Variants in PPRC1 observed in about 807,000 individuals in gnomAD.
The protein encoded by PPRC1 is peroxisome proliferator-activated receptor gamma coactivator-related protein 1.
PPRC1 carries 23 observed loss-of-function variants against 132.5 expected under a neutral mutation model. The observed-to-expected ratio is 0.17, with a 90% CI of 0.12 to 0.25. The LOEUF (loss-of-function observed/expected upper bound fraction) is 0.25. Ranked by LOEUF, PPRC1 falls within the 10% of genes least tolerant of loss-of-function variation. PPRC1 has a pLI of 1.00. For missense variants in PPRC1, 2,006 were observed against 2,089.1 expected (o/e 0.96, Z 0.78); for synonymous variants, 872 against 833.5 (o/e 1.05, Z -0.80).
Position 102,149,948 on chromosome 10 carries a change from C to T in PPRC1, c.4914C>T (p.Asp1638=). The T allele has an allele frequency of 6.2e-7, 1 of 1,613,186 alleles. No homozygotes were observed. The highest frequency in any genetic ancestry group is 2.2e-5 in the East Asian group (1 of 44,868). Residue 1638 remains aspartate (D), a synonymous_variant, in exon 14 of 14, where the codon GAC becomes GAT. Transcript: ENST00000278070. ...SDLDSNREDF[D]PAPVKSKFDS... ...TAGACTCCAACCGGGAAGACTTTGA[C>T]CCAGCACCTGTAAAGAGCAAATTTG...
At chr10:102,127,074 A>T in the PPRC1 span, among the ~76,000 whole-genome samples, 5,559 of 117,666 alleles carry the variant, frequency 0.047, 280 homozygotes, top group Non-Finnish European at 0.068. Context: ...TATATAAATT[A>T]AAAAAAAATT....
Position 102,141,558 on chromosome 10 carries a change from A to C in PPRC1, c.3050A>C (p.Glu1017Ala). The change falls in exon 5 of 14, where the codon GAG becomes GCG. Residue 1017 changes from glutamate (E) to alanine (A), a missense_variant. By Grantham distance (107) the Glu-to-Ala change is moderately radical. Coordinates refer to ENST00000278070, the MANE Select transcript of PPRC1 (RefSeq NM_015062.5). The part of the protein sequence containing the change: ...IGRAVPQPKM[E>A]SRGTPAGPPE... ...AGAGCTGTTCCCCAACCTAAAATGG[A>C]GTCTAGGGGCACTCCAGCTGGCCCT... The C allele has an allele frequency of 6.2e-7, 1 of 1,613,882 alleles. No individual in the cohort carries two copies. The highest frequency in any genetic ancestry group is 8.5e-7 in the Non-Finnish European group (1 of 1,179,968).
At chr10:102,145,541 A>G (rs2069186861) in intron 8 of PPRC1, among the ~76,000 whole-genome samples, 1 of 149,832 alleles carries the variant, frequency 6.7e-6, no homozygotes, top group Non-Finnish European at 1.5e-5. Context: ...ACTGCACTCC[A>G]GCCTGGGGGA....
At chr10:102,133,388 G>A (rs927767588) in intron 1 of PPRC1, among the ~76,000 whole-genome samples, 167 bp downstream of exon 1, 1 of 152,190 alleles carries the variant, frequency 6.6e-6, no homozygotes, top group African/African-American at 2.4e-5. Flanking sequence ...GGGGTAGGCG[G>A]GCAGAGGCAG....
chr10:102,123,796 A>AAT, the PPRC1 span, among the ~76,000 whole-genome samples: 2 of 149,754 alleles, frequency 1.3e-5, no homozygotes, highest in Non-Finnish European at 2.9e-5. Flanking sequence ...GGCCTCCCAA[A>AAT]ATGCTGGGAT....
In PPRC1 at chr10:102,147,339, C is replaced by T; in HGVS notation, c.4347C>T (p.Ser1449=). The part of the protein sequence containing the change: ...EASSSSSSSS[S]SSRSRSRSLS... The stretch of plus-strand genomic sequence containing the variant: ...CTTCCTCATCCTCATCATCGTCTTC[C>T]TCATCCCGATCTCGGTCCAGGTCCC... Residue 1449 remains serine (S), a synonymous_variant, in exon 9 of 14, where the codon TCC becomes TCT. Coordinates refer to ENST00000278070, the MANE Select transcript of PPRC1 (RefSeq NM_015062.5). 1 of 1,611,410 alleles carries T rather than the reference C, an allele frequency of 6.2e-7. No homozygotes were observed.
chr10:102,136,823 G>A (rs988580071), intron 1 of PPRC1, among the ~76,000 whole-genome samples: 9 of 152,108 alleles, frequency 5.9e-5, no homozygotes, highest in African/African-American at 2.2e-4. Context: ...GGTCCCTTCC[G>A]GCCCTGCCCA....
chr10:102,134,216 CTT>C lies in PPRC1; in HGVS notation c.153+998_153+999del, dbSNP rs922913501. Among the ~76,000 whole-genome samples the C allele has an allele frequency of 1.4e-4, 22 of 152,248 alleles. No individual in the cohort carries two copies. In the East Asian group the frequency reaches 4.3e-3, roughly 29 times the overall value. ...CTCCTCACTTTTTCCTCCAGCATCT[CTT>C]TTGGGAAGGCATGCTCCTGTAATCT... On this transcript the variant is annotated intron_variant, in intron 1 of 13. Coordinates refer to ENST00000278070, the MANE Select transcript of PPRC1 (RefSeq NM_015062.5).
chr10:102,133,537 C>T (rs1044956564), intron 1 of PPRC1, among the ~76,000 whole-genome samples: 2 of 152,122 alleles, frequency 1.3e-5, no homozygotes, highest in South Asian at 2.1e-4. Context: ...TGAGGCTCCC[C>T]GAGCCCGGCG....
intron 5 of PPRC1, 130 bp downstream of exon 5, chr10:102,142,134 AT>A: frequency 8.9e-7 from 1 of 1,128,148 alleles, no homozygotes; most frequent in Non-Finnish European, 1.2e-6. Flanking sequence ...TTATTTTGAG[AT>A]GGAGTCTTGC....
the PPRC1 span, among the ~76,000 whole-genome samples, chr10:102,124,526 G>T: frequency 6.6e-6 from 1 of 151,064 alleles, no homozygotes; most frequent in Non-Finnish European, 1.5e-5. Context: ...ACCACACTTG[G>T]CTAATTTTGT....
At chr10:102,131,640 G>T (rs2068544897), upstream of PPRC1, among the ~76,000 whole-genome samples, 1 of 152,174 alleles carries the variant, frequency 6.6e-6, no homozygotes, top group Non-Finnish European at 1.5e-5. Context: ...ATGTAATAGT[G>T]AGAAACTGTA....
At chr10:102,133,553 G>T (rs1213122781) in intron 1 of PPRC1, among the ~76,000 whole-genome samples, 2 of 152,180 alleles carry the variant, frequency 1.3e-5, no homozygotes, top group Non-Finnish European at 2.9e-5. Context: ...CGGCGCCGCA[G>T]TTCCCTTTTC....
In PPRC1 at chr10:102,140,241, A is replaced by G. The variant is rs915065031; in HGVS notation, c.1733A>G (p.Asp578Gly). 31 of 1,614,090 alleles carry G rather than the reference A, an allele frequency of 1.9e-5. No homozygotes were observed. Among genetic ancestry groups the G allele is most frequent in the Non-Finnish European group, 2.5e-5 (30 of 1,179,998 alleles). The part of the protein sequence containing the change: ...NPIPTHLSLV[D>G]SAQASPMPVD... ...ATACCAACCCATCTCTCATTGGTCG[A>G]CTCTGCCCAAGCCAGCCCCATGCCA... is the stretch of plus-strand genomic sequence containing the variant. Residue 578 changes from aspartate (D) to glycine (G), a missense_variant, in exon 5 of 14, where the codon GAC becomes GGC. This residue lies in a region of PPRC1 where 1,914 missense variants were observed against 1,917.2 expected (regional missense o/e 1.00). Coordinates refer to ENST00000278070, the MANE Select transcript of PPRC1 (RefSeq NM_015062.5).
At chr10:102,121,028 A>G in the PPRC1 span, among the ~76,000 whole-genome samples, 1 of 152,108 alleles carries the variant, frequency 6.6e-6, no homozygotes, top group Non-Finnish European at 1.5e-5. Context: ...CCCCTTCCCT[A>G]AATTAACCAC....
In PPRC1 at chr10:102,147,081, A is replaced by G. The variant is rs1225944262; in HGVS notation, c.4089A>G (p.Ala1363=). The change falls in exon 9 of 14, where the codon GCA becomes GCG. Residue 1363 remains alanine (A), a synonymous_variant. Transcript: ENST00000278070. ...ATCACAGGACTAGCAGTGAGCAGGC[A>G]GATCCCTCAGCACCCTGCCTTGCCC... ...PLDHRTSSEQ[A]DPSAPCLAPS... 1.9e-6 allele frequency: 3 copies of G among 1,614,188 alleles called. No individual in the cohort carries two copies. The highest frequency in any genetic ancestry group is 2.5e-6 in the Non-Finnish European group (3 of 1,180,018).
Position 102,145,060 on chromosome 10 carries a change from T to C in PPRC1, c.3649T>C (p.Leu1217=), listed in dbSNP as rs772637649. The C allele has an allele frequency of 1.2e-6, 2 of 1,613,394 alleles. No individual in the cohort carries two copies. Among genetic ancestry groups the C allele is most frequent in the Non-Finnish European group, 1.7e-6 (2 of 1,179,744 alleles). ...CCAGGAGAAGAGGCCCCTAGACCGG[T>C]TACAAGCCCCAGAACTGGCCAACGT... The part of the protein sequence containing the change: ...IPQEKRPLDR[L]QAPELANVAG... Residue 1217 remains leucine (L), a synonymous_variant, in exon 8 of 14, where the codon TTA becomes CTA. Coordinates refer to ENST00000278070, the MANE Select transcript of PPRC1 (RefSeq NM_015062.5).
At chr10:102,130,213 G>C (rs1053337145), upstream of PPRC1, among the ~76,000 whole-genome samples, 1 of 150,192 alleles carries the variant, frequency 6.7e-6, no homozygotes, top group African/African-American at 2.5e-5. Flanking sequence ...TCAGGAAATC[G>C]AGACCATCCT....
chr10:102,147,991 A>G (rs1416968966), intron 9 of PPRC1, among the ~76,000 whole-genome samples: 1 of 152,178 alleles, frequency 6.6e-6, no homozygotes, highest in Non-Finnish European at 1.5e-5. Context: ...GTAGGGGAGC[A>G]ATAGTAACCC....
Sources: allele counts gnomAD v4.1 joint callset (sites outside exome capture counted in the v4.1 genomes callset), GRCh38; gene constraint gnomAD v4.1.1; regional missense constraint gnomAD v4.1.1; transcripts MANE v1.5; gene names NCBI Gene and HGNC (gene_info 2026-07-23, HGNC 2026-07-21).